The following TRAK1 variants were observed in gnomAD, a reference collection of about 807,000 sequenced individuals.
TRAK1 encodes trafficking kinesin-binding protein 1.
A neutral mutation model predicts 92.1 loss-of-function variants in TRAK1; 33 were observed. That is an observed-to-expected ratio of 0.36 (90% confidence interval 0.27 to 0.48). TRAK1 has a LOEUF of 0.48. Among genes scored for constraint, TRAK1 ranks in the 20% least tolerant of loss-of-function variants. TRAK1 has a pLI of 0.99. For missense variants in TRAK1, 1,123 were observed against 1,257.9 expected (o/e 0.89, Z 1.62); for synonymous variants, 521 against 517.3 (o/e 1.01, Z -0.10).
At chr3:42,091,658 G>A (rs553808800) in intron 1 of TRAK1, 98 bp downstream of exon 1, 385 of 1,148,608 alleles carry the variant, frequency 3.4e-4, no homozygotes, top group Middle Eastern at 6.0e-4. Context: ...CTCTTGCTCC[G>A]TGCTGCTTGG....
chr3:42,138,054 A>G (rs1698171044), intron 2 of TRAK1, among the ~76,000 whole-genome samples: 1 of 152,192 alleles, frequency 6.6e-6, no homozygotes. Flanking sequence ...CAAAATAGGC[A>G]TTAAGAGAAT....
intron 1 of TRAK1, among the ~76,000 whole-genome samples, chr3:42,117,538 G>C (rs898622604): frequency 1.3e-5 from 2 of 151,796 alleles, no homozygotes; most frequent in African/African-American, 4.8e-5. Flanking sequence ...TGTTTTCTCA[G>C]ATCTCCTGCC....
At position 42,210,532 on chromosome 3, in the gene TRAK1, G is replaced by C. The variant is rs559437030; in HGVS notation, c.1963+547G>C. On this transcript the variant is annotated intron_variant, in intron 14 of 15. Transcript: ENST00000327628. ...AGTCCCCTGGTGATTTCCAAGTGGA[G>C]CTGAGCAGTTTTAGGGAAATTGAGT... is the stretch of plus-strand genomic sequence containing the variant. 454 of 1,154,484 alleles carry C rather than the reference G, an allele frequency of 3.9e-4. 4 individuals are homozygous for C. In the African/African-American group the frequency reaches 6.7e-3, roughly 17 times the overall value. The allele number at this position is 1,154,484 out of a possible 1,614,324, so 71.5% of individuals were successfully genotyped here.
At chr3:42,017,261 AAAAAC>A (rs1207371324) in intron 1 of TRAK1, among the ~76,000 whole-genome samples, 1 of 152,192 alleles carries the variant, frequency 6.6e-6, no homozygotes, top group African/African-American at 2.4e-5. Context: ...ACTCTGTCTC[AAAAAC>A]AAAACAAAAC....
At chr3:42,218,062 C>T (rs2149536937) in intron 14 of TRAK1, 7 of 985,250 alleles carry the variant, frequency 7.1e-6, no homozygotes, top group Non-Finnish European at 6.0e-6. Flanking sequence ...CCTGCTTTGA[C>T]ACACAGACCC....
At chr3:42,203,973 C>T (rs1378839569) in intron 13 of TRAK1, 1 of 985,636 alleles carries the variant, frequency 1.0e-6, no homozygotes, top group African/African-American at 1.7e-5. Flanking sequence ...TGTTAAAGAC[C>T]CAAGACATGA....
intron 6 of TRAK1, among the ~76,000 whole-genome samples, chr3:42,190,798 T>TCCCA (rs1216763794): frequency 6.7e-6 from 1 of 148,780 alleles, no homozygotes; most frequent in Non-Finnish European, 1.5e-5. Context: ...TCTCCCTTCC[T>TCCCA]CCCTCCCTCC....
At chr3:42,038,644 C>T (rs1046670966) in intron 1 of TRAK1, among the ~76,000 whole-genome samples, 5 of 152,016 alleles carry the variant, frequency 3.3e-5, no homozygotes, top group South Asian at 2.1e-4. Context: ...AAGAATTTGC[C>T]GGGCGTGGTG....
chr3:42,219,178 A>G, intron 14 of TRAK1: 1 of 985,126 alleles, frequency 1.0e-6, no homozygotes, highest in Non-Finnish European at 1.2e-6. Flanking sequence ...TTATCCCACA[A>G]AGGCCCATTA....
chr3:42,222,043 A>G (rs734898), intron 15 of TRAK1: 73,725 of 151,808 alleles, frequency 0.49, 18,840 homozygotes, highest in African/African-American at 0.65. Flanking sequence ...TAAGCAGACA[A>G]CAATGCATTC....
At chr3:42,189,158 A>G in intron 6 of TRAK1, 34 bp downstream of exon 6, 1 of 1,537,490 alleles carries the variant, frequency 6.5e-7, no homozygotes, top group South Asian at 1.1e-5. Flanking sequence ...CCCCTGCTAG[A>G]AGGGTGGTGG....
At chr3:42,076,833 CCA>C (rs1307091343) in intron 1 of TRAK1, among the ~76,000 whole-genome samples, 2 of 152,046 alleles carry the variant, frequency 1.3e-5, no homozygotes, top group African/African-American at 2.4e-5. Context: ...GGGTCTAGTT[CCA>C]ATCTTCTGTA....
At chr3:42,070,110 A>C (rs1703853878) in intron 1 of TRAK1, among the ~76,000 whole-genome samples, 1 of 151,898 alleles carries the variant, frequency 6.6e-6, no homozygotes, top group African/African-American at 2.4e-5. Flanking sequence ...CCTTGGCCCC[A>C]CAAAGGCCGG....
At chr3:42,030,372 A>AAATAT (rs540353037) in intron 1 of TRAK1, among the ~76,000 whole-genome samples, 2,837 of 132,216 alleles carry the variant, frequency 0.021, 91 homozygotes, top group African/African-American at 0.069. Context: ...TAAAAAAAAA[A>AAATAT]ATATATATAT....
intron 1 of TRAK1, among the ~76,000 whole-genome samples, chr3:42,015,652 GTAAGCTTT>G (rs1701494361): frequency 6.6e-6 from 1 of 152,154 alleles, no homozygotes; most frequent in Non-Finnish European, 1.5e-5. Context: ...TTGTAATTTG[GTAAGCTTT>G]TTGAGCCCCA....
intron 14 of TRAK1, among the ~76,000 whole-genome samples, chr3:42,216,605 C>T (rs1007730619): frequency 6.6e-6 from 1 of 152,162 alleles, no homozygotes; most frequent in African/African-American, 2.4e-5. Context: ...ACGACAGCTA[C>T]GGGCAGTTCA....
At chr3:42,076,410 G>C (rs185165574) in intron 1 of TRAK1, among the ~76,000 whole-genome samples, 3 of 147,822 alleles carry the variant, frequency 2.0e-5, no homozygotes, top group Non-Finnish European at 3.0e-5. Flanking sequence ...ATTTTTAGTA[G>C]AGATGGGGTT....
chr3:42,176,304 A>T lies in TRAK1; in HGVS notation c.287-510A>T, dbSNP rs570753823. Among the ~76,000 whole-genome samples the T allele has an allele frequency of 2.6e-5, 4 of 152,320 alleles. No individual in the cohort carries two copies. The South Asian group carries it at 8.3e-4, about 32-fold the overall frequency. ...TTAGAATGTAGGCCACTTGAGGAGG[A>T]GGGGGCTATGCCATTATGAAATTAT... On this transcript the variant is annotated intron_variant, in intron 2 of 15. Transcript: ENST00000327628.
intron 15 of TRAK1, among the ~76,000 whole-genome samples, chr3:42,221,317 A>C (rs1259964990): frequency 6.6e-6 from 1 of 152,000 alleles, no homozygotes; most frequent in Non-Finnish European, 1.5e-5. Flanking sequence ...GTTTCTAATC[A>C]TGCTTTTCCG....
Sources: gnomAD v4.1 joint callset for allele counts (sites outside exome capture counted in the v4.1 genomes callset) on GRCh38, gnomAD v4.1.1 for gene constraint, MANE v1.5 for transcripts, NCBI Gene and HGNC (gene_info 2026-07-23, HGNC 2026-07-21) for gene names.